BTBD9: variants seen among roughly 807,000 people sequenced by gnomAD.
BTBD9 encodes BTB domain containing 9.
BTBD9 carries 49 observed loss-of-function variants against 64.3 expected under a neutral mutation model. That is an observed-to-expected ratio of 0.76 (90% confidence interval 0.61 to 0.97). The LOEUF is 0.97. Among genes scored for constraint, BTBD9 ranks in the 50% least tolerant of loss-of-function variants. BTBD9 has a pLI of 0.00. For synonymous variants in BTBD9, 260 were observed against 274.7 expected (o/e 0.95, Z 0.53); for missense variants, 598 against 762.1 (o/e 0.78, Z 2.53).
chr6:38,215,976 G>C (rs72849815), intron 9 of BTBD9, among the ~76,000 whole-genome samples: 19,849 of 152,152 alleles, frequency 0.13, 1,359 homozygotes, highest in African/African-American at 0.15. Flanking sequence ...ACTGCCCCAG[G>C]GGGAAGGCCC....
At position 38,254,848 on chromosome 6, in the gene BTBD9, T is replaced by C. The variant is rs145805983; in HGVS notation, c.1562+1561A>G. Among the ~76,000 whole-genome samples, 233 of 152,320 alleles carry C rather than the reference T, an allele frequency of 1.5e-3. 1 individual carries two copies. The highest frequency in any genetic ancestry group is 5.2e-3 in the African/African-American group (216 of 41,564). On this transcript the variant is annotated intron_variant, in intron 9 of 10. Coordinates refer to ENST00000481247, the MANE Select transcript of BTBD9 (RefSeq NM_001099272.2). Reference sequence around the variant, plus strand: ...AATGGTGCAGCTGCTGTGAAAAATTTTGGCAGTTCCTCAAAAAGTTAAACG... The same window carrying C: ...AATGGTGCAGCTGCTGTGAAAAATTCTGGCAGTTCCTCAAAAAGTTAAACG...
At chr6:38,409,845 T>A (rs986667867) in intron 6 of BTBD9, among the ~76,000 whole-genome samples, 2 of 151,590 alleles carry the variant, frequency 1.3e-5, no homozygotes, top group Admixed American at 6.6e-5. Flanking sequence ...AAATAAATAA[T>A]AATAAAATAA....
At position 38,478,735 on chromosome 6, in the gene BTBD9, T is replaced by C. The variant is rs541446969; in HGVS notation, c.1154+98865A>G. On this transcript the variant is annotated intron_variant, in intron 6 of 10. Coordinates refer to ENST00000481247, the MANE Select transcript of BTBD9 (RefSeq NM_001099272.2). ...GCTACAGGGAAGAGCTAAGAACTCC[T>C]GTTTTCCTTGGAGAAGGGAAGAAAC... 4.6e-5 allele frequency among the ~76,000 whole-genome samples: 7 copies of C among 152,368 alleles called. No individual in the cohort carries two copies. The South Asian group carries it at 1.0e-3, about 23-fold the overall frequency.
chr6:38,344,939 T>C, intron 7 of BTBD9, 45 bp downstream of exon 7: 1 of 1,269,798 alleles, frequency 7.9e-7, no homozygotes, highest in Non-Finnish European at 1.1e-6. Flanking sequence ...TATTTGAAGA[T>C]AAAATATCCA....
intron 6 of BTBD9, among the ~76,000 whole-genome samples, chr6:38,531,822 T>G (rs1181304713): frequency 1.3e-5 from 2 of 152,180 alleles, no homozygotes; most frequent in East Asian, 3.8e-4. Flanking sequence ...TCAAGCCTCA[T>G]GATAACCTCA....
At chr6:38,557,346 AAAATAAAT>A (rs527460282) in intron 6 of BTBD9, among the ~76,000 whole-genome samples, 7 of 152,126 alleles carry the variant, frequency 4.6e-5, no homozygotes, top group Non-Finnish European at 7.4e-5. Flanking sequence ...ACTCAGTCTC[AAAATAAAT>A]AAATAAATAA....
At chr6:38,537,837 T>A (rs1391896359) in intron 6 of BTBD9, among the ~76,000 whole-genome samples, 1 of 152,120 alleles carries the variant, frequency 6.6e-6, no homozygotes, top group South Asian at 2.1e-4. Context: ...TGAGTGGTAG[T>A]GATGTATAAC....
chr6:38,310,793 C>CTTTGT (rs112925381), intron 7 of BTBD9, among the ~76,000 whole-genome samples: 43,010 of 150,954 alleles, frequency 0.28, 6,331 homozygotes, highest in Middle Eastern at 0.38. Flanking sequence ...ACCCTTCTAG[C>CTTTGT]TTTGTTTTGT....
chr6:38,509,957 G>T (rs958309204), intron 6 of BTBD9, among the ~76,000 whole-genome samples: 2 of 152,128 alleles, frequency 1.3e-5, no homozygotes, highest in Non-Finnish European at 2.9e-5. Flanking sequence ...CATACCAAAA[G>T]AACCACAAGA....
At chr6:38,226,764 C>T (rs562448623) in intron 9 of BTBD9, among the ~76,000 whole-genome samples, 60 of 152,376 alleles carry the variant, frequency 3.9e-4, no homozygotes, top group Admixed American at 1.8e-3. Context: ...CATGCACACA[C>T]ACACACGCAC....
chr6:38,419,263 G>A (rs1767801826), intron 6 of BTBD9, among the ~76,000 whole-genome samples: 1 of 152,192 alleles, frequency 6.6e-6, no homozygotes, highest in South Asian at 2.1e-4. Flanking sequence ...AGAGGACATG[G>A]GCCACTATTA....
intron 1 of BTBD9, among the ~76,000 whole-genome samples, chr6:38,601,211 C>T (rs910369023): frequency 3.3e-5 from 5 of 152,036 alleles, no homozygotes; most frequent in Non-Finnish European, 5.9e-5. Flanking sequence ...GGTTTCCATC[C>T]CTTGCTCAGG....
chr6:38,297,907 C>T (rs956522014), intron 7 of BTBD9, among the ~76,000 whole-genome samples: 73 of 149,594 alleles, frequency 4.9e-4, no homozygotes, highest in Admixed American at 1.3e-3. Flanking sequence ...GTGGTGCTAT[C>T]TCGGCTCACT....
chr6:38,582,176 G>A (rs938473789), intron 4 of BTBD9, among the ~76,000 whole-genome samples: 2 of 152,132 alleles, frequency 1.3e-5, no homozygotes, highest in Non-Finnish European at 1.5e-5. Flanking sequence ...TAGCAACCCA[G>A]CAAAAATAAA....
chr6:38,193,938 T>C (rs895478812), intron 9 of BTBD9: 4 of 957,922 alleles, frequency 4.2e-6, no homozygotes, highest in Non-Finnish European at 5.0e-6. Context: ...TACCATCTTG[T>C]GTGTAAAGTC....
At chr6:38,596,143 T>C (rs1271438723) in intron 2 of BTBD9, 11 of 776,984 alleles carry the variant, frequency 1.4e-5, no homozygotes, top group Non-Finnish European at 1.6e-5. Context: ...TGCACATGAA[T>C]ACAGTCAGCA....
intron 10 of BTBD9, among the ~76,000 whole-genome samples, chr6:38,190,078 T>C (rs915184800): frequency 2.6e-5 from 4 of 151,846 alleles, no homozygotes; most frequent in African/African-American, 9.7e-5. Context: ...TCCCAAAGTG[T>C]TGGGATTACA....
At chr6:38,514,235 A>C (rs1772909818) in intron 6 of BTBD9, among the ~76,000 whole-genome samples, 1 of 152,212 alleles carries the variant, frequency 6.6e-6, no homozygotes, top group Admixed American at 6.5e-5. Flanking sequence ...CTAAACTCAG[A>C]TGTTATGTGT....
chr6:38,523,178 G>A (rs557776876), intron 6 of BTBD9, among the ~76,000 whole-genome samples: 26 of 151,796 alleles, frequency 1.7e-4, no homozygotes, highest in Admixed American at 2.0e-4. Context: ...GCAGGACTTC[G>A]TCTCATTAAA....
Sources: allele counts gnomAD v4.1 joint callset (sites outside exome capture counted in the v4.1 genomes callset), GRCh38; gene constraint gnomAD v4.1.1; transcripts MANE v1.5; gene names NCBI Gene and HGNC (gene_info 2026-07-23, HGNC 2026-07-21).